The following CTNNA3 variants were observed in gnomAD, a reference collection of about 807,000 sequenced individuals.
CTNNA3 encodes catenin alpha-3.
Under a neutral mutation model 95.7 loss-of-function variants are expected in CTNNA3, and 76 were observed. The ratio of observed to expected loss-of-function variants is 0.79; its 90% CI spans 0.66 to 0.96. CTNNA3 has a LOEUF of 0.96. Among genes scored for constraint, CTNNA3 ranks in the 40% least tolerant of loss-of-function variants. The pLI, the probability that CTNNA3 is intolerant of heterozygous loss-of-function variation, is 0.00. For synonymous variants in CTNNA3, 431 were observed against 374.4 expected (o/e 1.15, Z -1.74); for missense variants, 1,191 against 1,089.8 (o/e 1.09, Z -1.31).
At chr10:67,492,834 A>G (rs562160195) in intron 5 of CTNNA3, among the ~76,000 whole-genome samples, 24 of 152,322 alleles carry the variant, frequency 1.6e-4, no homozygotes, top group African/African-American at 5.5e-4. Flanking sequence ...AACAACTGCT[A>G]ATAAAACCAT....
At chr10:67,453,745 G>T (rs571836803) in intron 5 of CTNNA3, among the ~76,000 whole-genome samples, 1 of 152,174 alleles carries the variant, frequency 6.6e-6, no homozygotes, top group African/African-American at 2.4e-5. Flanking sequence ...CCCAGGCTTT[G>T]TTGTGAATAA....
chr10:67,230,111 T>A (rs969602811), intron 5 of CTNNA3, among the ~76,000 whole-genome samples: 4 of 152,158 alleles, frequency 2.6e-5, no homozygotes, highest in African/African-American at 9.7e-5. Flanking sequence ...GTGGTACTGG[T>A]ATAAAAATAG....
intron 12 of CTNNA3, among the ~76,000 whole-genome samples, chr10:66,312,920 G>A (rs1233160082): frequency 2.0e-5 from 3 of 152,178 alleles, no homozygotes; most frequent in Non-Finnish European, 2.9e-5. Flanking sequence ...TTACAGGTGG[G>A]AAGAGGTGAG....
At chr10:66,773,828 A>G (rs1840189720) in intron 8 of CTNNA3, among the ~76,000 whole-genome samples, 1 of 152,192 alleles carries the variant, frequency 6.6e-6, no homozygotes, top group Admixed American at 6.5e-5. Flanking sequence ...TGCTATTTCT[A>G]TATCTCACTG....
intron 5 of CTNNA3, among the ~76,000 whole-genome samples, chr10:67,403,804 C>T (rs1260690525): frequency 1.3e-5 from 2 of 152,206 alleles, no homozygotes; most frequent in Admixed American, 1.3e-4. Context: ...CCTATGGGTG[C>T]ATTCAGGCTG....
At chr10:66,502,002 A>C (rs1840293534) in intron 11 of CTNNA3, among the ~76,000 whole-genome samples, 1 of 152,168 alleles carries the variant, frequency 6.6e-6, no homozygotes, top group African/African-American at 2.4e-5. Context: ...ATATGCTCTA[A>C]TCTTTTATGG....
At position 66,223,181 on chromosome 10, in the gene CTNNA3, A is replaced by G. The variant is rs1054773780; in HGVS notation, c.1884+57289T>C. Among the ~76,000 whole-genome samples the G allele has an allele frequency of 4.6e-5, 7 of 152,062 alleles. No homozygotes were observed. In the South Asian group the frequency reaches 8.3e-4, roughly 18 times the overall value. On this transcript the variant is annotated intron_variant, in intron 13 of 17. Transcript: ENST00000433211. ...TATTTTGTTTGTAATGTTTCTGGACATTAGGAAAAGTTAATATAGACGAGG... is the reference window on the plus strand; with the variant it reads ...TATTTTGTTTGTAATGTTTCTGGACGTTAGGAAAAGTTAATATAGACGAGG...
At chr10:66,918,940 C>A (rs1464451393) in intron 7 of CTNNA3, among the ~76,000 whole-genome samples, 1 of 151,760 alleles carries the variant, frequency 6.6e-6, no homozygotes, top group African/African-American at 2.4e-5. Flanking sequence ...TTGAGACCAT[C>A]CTGGCTAACA....
At chr10:66,172,210 T>G (rs1345533487) in intron 13 of CTNNA3, among the ~76,000 whole-genome samples, 1 of 152,152 alleles carries the variant, frequency 6.6e-6, no homozygotes, top group Non-Finnish European at 1.5e-5. Flanking sequence ...ACTCACTATT[T>G]TTTAAACCAT....
chr10:66,207,159 T>C (rs1338242884), intron 13 of CTNNA3, among the ~76,000 whole-genome samples: 1 of 148,576 alleles, frequency 6.7e-6, no homozygotes, highest in African/African-American at 2.4e-5. Context: ...AATATATCAT[T>C]TATTTAATAT....
At chr10:66,794,080 G>A (rs901754527) in intron 7 of CTNNA3, among the ~76,000 whole-genome samples, 1 of 152,242 alleles carries the variant, frequency 6.6e-6, no homozygotes, top group Admixed American at 6.5e-5. Flanking sequence ...TACCTGGCCA[G>A]AAATAGATCC....
intron 12 of CTNNA3, among the ~76,000 whole-genome samples, chr10:66,348,870 C>A (rs1343477689): frequency 6.6e-6 from 1 of 151,922 alleles, no homozygotes; most frequent in East Asian, 1.9e-4. Flanking sequence ...TTTCCTGGTG[C>A]TTCTACTGGT....
chr10:67,647,151 T>C (rs1345848065), intron 2 of CTNNA3, among the ~76,000 whole-genome samples: 2 of 68,800 alleles, frequency 2.9e-5, no homozygotes, highest in South Asian at 1.0e-3. Flanking sequence ...GAAAATTATA[T>C]ATATATATAT....
intron 5 of CTNNA3, among the ~76,000 whole-genome samples, chr10:67,453,070 G>A (rs901269250): frequency 6.6e-6 from 1 of 152,084 alleles, no homozygotes; most frequent in African/African-American, 2.4e-5. Flanking sequence ...AGATAGAGAC[G>A]GAGGCAGCCA....
chr10:66,523,172 T>C (rs1451228845), intron 10 of CTNNA3, among the ~76,000 whole-genome samples: 9 of 152,192 alleles, frequency 5.9e-5, no homozygotes. Flanking sequence ...GCAGTGGCTC[T>C]GGTCCCTGGT....
intron 16 of CTNNA3, among the ~76,000 whole-genome samples, chr10:65,979,546 G>A (rs1332581300): frequency 5.3e-5 from 8 of 152,068 alleles, no homozygotes; most frequent in African/African-American, 1.7e-4. Flanking sequence ...TGGAATTTTT[G>A]ATTAAAGATA....
At chr10:66,620,941 C>T (rs1348950069) in intron 10 of CTNNA3, among the ~76,000 whole-genome samples, 1 of 151,936 alleles carries the variant, frequency 6.6e-6, no homozygotes, top group Non-Finnish European at 1.5e-5. Flanking sequence ...AGGAAGTATC[C>T]GTATTATATC....
chr10:66,432,596 G>A (rs941468497), intron 11 of CTNNA3, among the ~76,000 whole-genome samples: 1 of 151,246 alleles, frequency 6.6e-6, no homozygotes, highest in African/African-American at 2.4e-5. Flanking sequence ...GGGAGGTGGA[G>A]CTTGCAGTGA....
chr10:65,926,592 T>C (rs902675017), intron 17 of CTNNA3, among the ~76,000 whole-genome samples: 5 of 151,834 alleles, frequency 3.3e-5, no homozygotes, highest in African/African-American at 9.7e-5. Context: ...TTCTCCTGCC[T>C]CAGCCTACCA....
Sources: gnomAD v4.1 joint callset for allele counts (sites outside exome capture counted in the v4.1 genomes callset) on GRCh38, gnomAD v4.1.1 for gene constraint, MANE v1.5 for transcripts, NCBI Gene and HGNC (gene_info 2026-07-23, HGNC 2026-07-21) for gene names.